Variants in C8orf34 observed in about 807,000 individuals in gnomAD.
C8orf34 encodes the protein uncharacterized protein C8orf34.
Under a neutral mutation model 68.3 loss-of-function variants are expected in C8orf34, and 65 were observed. That is an observed-to-expected ratio of 0.95 (90% confidence interval 0.78 to 1.17). The LOEUF is 1.17. Ranked by LOEUF, C8orf34 falls within the 50% of genes most tolerant of loss-of-function variation. The pLI is 0.00. For missense variants in C8orf34, 664 were observed against 655.4 expected, an observed-to-expected ratio of 1.01 and a Z score of -0.14; for synonymous variants, 244 against 241.2, an observed-to-expected ratio of 1.01 and a Z score of -0.11.
chr8:68,395,392 C>A (rs1586048274), intron 1 of C8orf34, among the ~76,000 whole-genome samples: 4 of 149,556 alleles, frequency 2.7e-5, no homozygotes, highest in Non-Finnish European at 6.0e-5. Flanking sequence ...CACACACACA[C>A]ACACAAACAC....
chr8:68,684,440 A>C (rs1399289275), intron 8 of C8orf34, among the ~76,000 whole-genome samples: 2 of 152,184 alleles, frequency 1.3e-5, no homozygotes, highest in Admixed American at 1.3e-4. Flanking sequence ...AGTTGTAAGA[A>C]ATATTTATAA....
At chr8:68,791,036 C>A in intron 12 of C8orf34, 1 of 586,052 alleles carries the variant, frequency 1.7e-6, no homozygotes, top group South Asian at 2.2e-5. Flanking sequence ...AAATGTGAGT[C>A]TGGAGAAAAA....
At chr8:68,419,038 A>G (rs1205136463) in intron 1 of C8orf34, among the ~76,000 whole-genome samples, 1 of 150,844 alleles carries the variant, frequency 6.6e-6, no homozygotes, top group African/African-American at 2.4e-5. Context: ...ATCAGAGTGA[A>G]CAGGCAACCT....
At chr8:68,726,525 TAA>T (rs1821835105) in intron 10 of C8orf34, among the ~76,000 whole-genome samples, 1 of 152,216 alleles carries the variant, frequency 6.6e-6, no homozygotes, top group African/African-American at 2.4e-5. Context: ...ATTACCTTGA[TAA>T]AGTGTCTGCT....
chr8:68,579,724 A>G (rs1817005762), intron 7 of C8orf34, among the ~76,000 whole-genome samples: 1 of 152,198 alleles, frequency 6.6e-6, no homozygotes, highest in Non-Finnish European at 1.5e-5. Context: ...CCTAGCTGCA[A>G]GTGCCTTCTA....
chr8:68,538,574 A>T (rs1266648917), intron 7 of C8orf34, among the ~76,000 whole-genome samples: 1 of 152,022 alleles, frequency 6.6e-6, no homozygotes, highest in Non-Finnish European at 1.5e-5. Context: ...TTGAACCCAG[A>T]TACATTTTGT....
intron 8 of C8orf34, among the ~76,000 whole-genome samples, chr8:68,700,522 T>C (rs995807746): frequency 6.6e-6 from 1 of 152,070 alleles, no homozygotes; most frequent in African/African-American, 2.4e-5. Context: ...ACCATTCAAA[T>C]GCTGAGGGAA....
chr8:68,788,637 G>C (rs1389561994), intron 12 of C8orf34, among the ~76,000 whole-genome samples: 1 of 152,170 alleles, frequency 6.6e-6, no homozygotes, highest in East Asian at 1.9e-4. Context: ...AAGGTGGGCA[G>C]ATCACCAGGT....
chr8:68,362,444 G>A (rs368728555), intron 1 of C8orf34, among the ~76,000 whole-genome samples: 1 of 152,210 alleles, frequency 6.6e-6, no homozygotes, highest in South Asian at 2.1e-4. Flanking sequence ...AATAGGAACA[G>A]CTCCAGTCTA....
chr8:68,638,318 CTT>C (rs138393548), intron 7 of C8orf34, among the ~76,000 whole-genome samples: 3 of 141,240 alleles, frequency 2.1e-5, no homozygotes, highest in African/African-American at 7.8e-5. Context: ...TTTTTTTTTT[CTT>C]TTTTTTTTTC....
intron 5 of C8orf34, among the ~76,000 whole-genome samples, chr8:68,518,091 T>G (rs1563501379): frequency 1.3e-5 from 2 of 152,198 alleles, no homozygotes; most frequent in Non-Finnish European, 2.9e-5. Flanking sequence ...TGTATCTGGC[T>G]TATACACAGA....
chr8:68,381,694 T>C (rs1808042227), intron 1 of C8orf34, among the ~76,000 whole-genome samples: 1 of 120,830 alleles, frequency 8.3e-6, no homozygotes, highest in Non-Finnish European at 1.6e-5. Flanking sequence ...ATTGCGCCAC[T>C]GCAGTCCGCA....
At chr8:68,458,185 G>T (rs1418254422) in intron 3 of C8orf34, among the ~76,000 whole-genome samples, 1 of 152,162 alleles carries the variant, frequency 6.6e-6, no homozygotes, top group Non-Finnish European at 1.5e-5. Flanking sequence ...CCTCTCAAAA[G>T]TCGCCAAGGA....
intron 7 of C8orf34, among the ~76,000 whole-genome samples, chr8:68,608,810 AG>A (rs1358675187): frequency 6.6e-6 from 1 of 152,086 alleles, no homozygotes. Flanking sequence ...AATCCAACAG[AG>A]GAAGGATGAA....
intron 1 of C8orf34, among the ~76,000 whole-genome samples, chr8:68,408,296 G>T (rs1809288725): frequency 6.6e-6 from 1 of 151,576 alleles, no homozygotes; most frequent in East Asian, 1.9e-4. Flanking sequence ...GCTATATTAT[G>T]ATGGGTTGTA....
rs1807451399 is a variant in C8orf34, at chr8:68,369,283, C to A, written c.327+37944C>A. Among the ~76,000 whole-genome samples the A allele has an allele frequency of 2.0e-5, 3 of 152,312 alleles. No homozygotes were observed. The South Asian group carries it at 6.2e-4, about 32-fold the overall frequency. Reference sequence around the variant, plus strand: ...CTGTATTCCTGCGTTTGGCAACAGGCCACTCAAGTGGACAACCAAATATGC... The same window carrying A: ...CTGTATTCCTGCGTTTGGCAACAGGACACTCAAGTGGACAACCAAATATGC... On this transcript the variant is annotated intron_variant, in intron 1 of 13. Coordinates refer to ENST00000518698, the MANE Select transcript of C8orf34 (RefSeq NM_052958.4).
At chr8:68,788,685 C>A (rs1823909810) in intron 12 of C8orf34, among the ~76,000 whole-genome samples, 1 of 151,978 alleles carries the variant, frequency 6.6e-6, no homozygotes, top group Non-Finnish European at 1.5e-5. Flanking sequence ...ATGGTGAAAC[C>A]CCGTCACTAC....
intron 1 of C8orf34, among the ~76,000 whole-genome samples, chr8:68,435,275 T>C (rs545076257): frequency 6.8e-6 from 1 of 147,082 alleles, no homozygotes; most frequent in Non-Finnish European, 1.5e-5. Context: ...TGGGAGTATA[T>C]CACTAAGAGT....
intron 1 of C8orf34, among the ~76,000 whole-genome samples, chr8:68,378,025 A>C (rs1019262104): frequency 2.6e-5 from 4 of 152,092 alleles, no homozygotes; most frequent in Admixed American, 2.6e-4. Context: ...CCATGATCCA[A>C]ATACCTCTAC....
Sources: allele counts gnomAD v4.1 joint callset (sites outside exome capture counted in the v4.1 genomes callset), GRCh38; gene constraint gnomAD v4.1.1; transcripts MANE v1.5; gene names NCBI Gene and HGNC (gene_info 2026-07-23, HGNC 2026-07-21).